The following PAK1 variants were observed in gnomAD, a reference collection of about 807,000 sequenced individuals.
PAK1 encodes the protein p21 (RAC1) activated kinase 1, also known as serine/threonine-protein kinase PAK 1.
In PAK1, 29 loss-of-function variants were observed where a neutral mutation model predicts 67.4. The observed-to-expected ratio is 0.43, with a 90% CI of 0.32 to 0.59. The LOEUF (loss-of-function observed/expected upper bound fraction) is 0.59. PAK1 is among the 20% of genes least tolerant of loss of function. PAK1 has a pLI of 0.07. For missense variants in PAK1, 337 were observed against 670.7 expected, an observed-to-expected ratio of 0.50 and a Z score of 5.50; for synonymous variants, 223 against 237.4, an observed-to-expected ratio of 0.94 and a Z score of 0.56.
intron 2 of PAK1, among the ~76,000 whole-genome samples, chr11:77,382,335 T>C (rs1949944366): frequency 6.6e-6 from 1 of 152,136 alleles, no homozygotes; most frequent in African/African-American, 2.4e-5. Context: ...TGAGCACTCT[T>C]TACCCTGCAA....
At position 77,470,996 on chromosome 11, in the gene PAK1, T is replaced by C. The variant is rs144927766; in HGVS notation, c.-22+2556A>G. 2.6e-5 allele frequency among the ~76,000 whole-genome samples: 4 copies of C among 152,360 alleles called. No individual in the cohort carries two copies. The East Asian group carries it at 5.8e-4, about 22-fold the overall frequency. On this transcript the variant is annotated intron_variant, in intron 1 of 14. Transcript: ENST00000356341. The stretch of plus-strand genomic sequence containing the variant: ...CACATTGGACCATGATTCCTATTCA[T>C]TCTGAGAACGGTTCTTGAGTAAAAC...
intron 14 of PAK1, among the ~76,000 whole-genome samples, chr11:77,327,782 C>G (rs1940396965): frequency 6.7e-6 from 1 of 149,684 alleles, no homozygotes; most frequent in Admixed American, 6.6e-5. Flanking sequence ...TCACACATAA[C>G]AATATTAACT....
Position 77,343,908 on chromosome 11 carries a change from A to C in PAK1, c.909T>G (p.Leu303=), listed in dbSNP as rs772376564. ...TCAGCTCTTTCTTGGGCTGCTGCTGAAGATTCATCTGCTTAATGGCCACCT... is the reference window on the plus strand; with the variant it reads ...TCAGCTCTTTCTTGGGCTGCTGCTGCAGATTCATCTGCTTAATGGCCACCT... The part of the protein sequence containing the change: ...GQEVAIKQMN[L]QQQPKKELII... Residue 303 remains leucine (L), a synonymous_variant, in exon 10 of 15, where the codon CTT becomes CTG. Transcript: ENST00000356341. 13 of 1,612,198 alleles carry C rather than the reference A, an allele frequency of 8.1e-6. No homozygotes were observed. The highest frequency in any genetic ancestry group is 1.1e-5 in the Non-Finnish European group (13 of 1,178,364).
intron 2 of PAK1, among the ~76,000 whole-genome samples, chr11:77,385,928 T>C (rs777122674): frequency 6.6e-6 from 1 of 152,188 alleles, no homozygotes; most frequent in East Asian, 1.9e-4. Context: ...CAAACATGAG[T>C]TGTCATTAAT....
chr11:77,427,838 C>G (rs746015719), intron 1 of PAK1, among the ~76,000 whole-genome samples: 3 of 152,216 alleles, frequency 2.0e-5, no homozygotes, highest in Non-Finnish European at 4.4e-5. Context: ...TTATTGTTAT[C>G]TTCCTCACTG....
At chr11:77,485,472 A>AT in the PAK1 span, among the ~76,000 whole-genome samples, 3 of 135,692 alleles carry the variant, frequency 2.2e-5, no homozygotes, top group South Asian at 8.7e-4. Context: ...AAATTTTAAA[A>AT]TAAAAAAAAA....
At chr11:77,529,264 G>C in the PAK1 span, among the ~76,000 whole-genome samples, 1 of 152,062 alleles carries the variant, frequency 6.6e-6, no homozygotes, top group African/African-American at 2.4e-5. Context: ...GGCCCATTTA[G>C]AATCATTTTG....
chr11:77,482,181 G>A, the PAK1 span, among the ~76,000 whole-genome samples: 6 of 151,860 alleles, frequency 4.0e-5, no homozygotes, highest in Non-Finnish European at 5.9e-5. Flanking sequence ...TAGAGATGGG[G>A]TTTCATCATA....
intron 1 of PAK1, among the ~76,000 whole-genome samples, chr11:77,465,087 A>T (rs1957537124): frequency 6.6e-6 from 1 of 152,140 alleles, no homozygotes. Context: ...CCTTTACCAC[A>T]TAGTCAACTA....
At chr11:77,432,134 T>C (rs919889410) in intron 1 of PAK1, among the ~76,000 whole-genome samples, 4 of 147,126 alleles carry the variant, frequency 2.7e-5, no homozygotes, top group Non-Finnish European at 4.4e-5. Context: ...CAAGGTTGTT[T>C]TAATATCCAA....
chr11:77,471,751 T>C (rs986614905), intron 1 of PAK1, among the ~76,000 whole-genome samples: 2 of 152,204 alleles, frequency 1.3e-5, no homozygotes, highest in African/African-American at 2.4e-5. Context: ...TAAGGTTTTG[T>C]TTTACAGAAA....
chr11:77,360,487 C>T (rs904445347), intron 5 of PAK1, among the ~76,000 whole-genome samples: 13 of 152,316 alleles, frequency 8.5e-5, no homozygotes, highest in African/African-American at 2.9e-4. Context: ...TTTCTCCCCA[C>T]TATTCCACTC....
At chr11:77,368,667 T>A (rs1591997009) in intron 5 of PAK1, among the ~76,000 whole-genome samples, 3 of 151,254 alleles carry the variant, frequency 2.0e-5, no homozygotes, top group Non-Finnish European at 4.4e-5. Context: ...TTTATTTATT[T>A]TTTTTTTGAG....
intron 2 of PAK1, among the ~76,000 whole-genome samples, chr11:77,391,119 T>C (rs1362683212): frequency 6.6e-6 from 1 of 152,210 alleles, no homozygotes; most frequent in African/African-American, 2.4e-5. Context: ...AGTTAGGCAA[T>C]TATATTTTTC....
At chr11:77,332,944 T>C in intron 13 of PAK1, 77 bp from the exon 14 acceptor site, 2 of 1,335,350 alleles carry the variant, frequency 1.5e-6, no homozygotes, top group Non-Finnish European at 2.1e-6. Context: ...GTTCTAGAAA[T>C]ATGGTCAGCT....
rs34413403 is a variant in PAK1 at position 77,373,562 on chromosome 11, T to TAA, written c.477+764_477+765dup. Among the ~76,000 whole-genome samples, 186 of 120,750 alleles carry TAA rather than the reference T, an allele frequency of 1.5e-3. 1 individual carries two copies. The highest frequency in any genetic ancestry group is 2.7e-3 in the Admixed American group (31 of 11,338). The allele number at this position is 120,750 out of a possible 152,430, so 79.2% of individuals were successfully genotyped here. A position where few individuals can be genotyped will look rare whatever the true frequency, so the allele number is the denominator to read the frequency against. On this transcript the variant is annotated intron_variant, in intron 5 of 14. Coordinates refer to ENST00000356341, the MANE Select transcript of PAK1 (RefSeq NM_002576.5). ...GCAACAGAGCAAAACCTCGTCTCTT[T>TAA]AAAAAAAAAAAAAAAAAAAAGCAGT...
At chr11:77,473,377 G>A (rs1957964988) in intron 1 of PAK1, 175 bp downstream of exon 1, 1 of 152,234 alleles carries the variant, frequency 6.6e-6, no homozygotes, top group Non-Finnish European at 1.5e-5. Context: ...GACGGGAGCG[G>A]GCCTCGCGGG....
intron 1 of PAK1, among the ~76,000 whole-genome samples, chr11:77,415,319 A>C (rs2138109107): frequency 6.6e-6 from 1 of 152,336 alleles, no homozygotes; most frequent in South Asian, 2.1e-4. Flanking sequence ...ACAGTTTAGG[A>C]ATTTCTTACA....
chr11:77,423,941 T>C (rs543630558), intron 1 of PAK1, among the ~76,000 whole-genome samples: 5 of 152,110 alleles, frequency 3.3e-5, no homozygotes, highest in Non-Finnish European at 7.4e-5. Context: ...CTGGTGAAAA[T>C]CAATTTAAAA....
Sources: allele counts gnomAD v4.1 joint callset (sites outside exome capture counted in the v4.1 genomes callset), GRCh38; gene constraint gnomAD v4.1.1; transcripts MANE v1.5; gene names NCBI Gene and HGNC (gene_info 2026-07-23, HGNC 2026-07-21).